The following UNC79 variants were observed in gnomAD, a reference collection of about 807,000 sequenced individuals.
UNC79 encodes protein unc-79 homolog.
A neutral mutation model predicts 283.1 loss-of-function variants in UNC79; 37 were observed. The ratio of observed to expected loss-of-function variants is 0.13; its 90% CI spans 0.10 to 0.17. UNC79 has a LOEUF of 0.17. Ranked by LOEUF, UNC79 falls within the 10% of genes least tolerant of loss-of-function variation. The pLI is 1.00. For synonymous variants in UNC79, 1,107 were observed against 1,200.2 expected, an observed-to-expected ratio of 0.92 and a Z score of 1.61; for missense variants, 2,272 against 3,211.1, an observed-to-expected ratio of 0.71 and a Z score of 7.07.
chr14:93,388,048 G>A (rs369098009), intron 1 of UNC79, among the ~76,000 whole-genome samples: 5 of 151,792 alleles, frequency 3.3e-5, no homozygotes, highest in East Asian at 1.9e-4. Context: ...TAGCTACCTC[G>A]GTCTAGGATT....
chr14:93,466,991 C>T (rs1484103880), intron 1 of UNC79: 28 of 824,554 alleles, frequency 3.4e-5, no homozygotes, highest in Non-Finnish European at 4.0e-5. Flanking sequence ...TAGGAAGTCT[C>T]CTAATTTATG....
chr14:93,593,146 A>T (rs2141944902), intron 22 of UNC79, among the ~76,000 whole-genome samples: 1 of 152,272 alleles, frequency 6.6e-6, no homozygotes, highest in South Asian at 2.1e-4. Flanking sequence ...TAATCACTTT[A>T]TTCAGGTTGT....
chr14:93,577,901 TAGTCCTTTCCAGAGTCCGTTTCGG>T, exon 18 of UNC79: 1 of 1,614,238 alleles, frequency 6.2e-7, no homozygotes, highest in Non-Finnish European at 8.5e-7. Context: ...GTCCATTTCA[TAGTCCTTTCCAGAGTCCGTTTCGG>T]AGTCCTTTGC....
chr14:93,488,385 A>G (rs180744142), intron 5 of UNC79, among the ~76,000 whole-genome samples: 1 of 152,174 alleles, frequency 6.6e-6, no homozygotes, highest in Non-Finnish European at 1.5e-5. Context: ...TCCATTTGTC[A>G]GTATAATTGC....
intron 31 of UNC79, 35 bp from the exon 35 acceptor site, chr14:93,637,178 GACC>G: frequency 1.1e-6 from 1 of 947,578 alleles, no homozygotes; most frequent in Non-Finnish European, 1.8e-6. Flanking sequence ...GTGCTAAGAT[GACC>G]ACATCAAAGA....
At chr14:93,516,717 GGAT>G (rs1412831584) in intron 7 of UNC79, among the ~76,000 whole-genome samples, 9 of 152,004 alleles carry the variant, frequency 5.9e-5, no homozygotes, top group Non-Finnish European at 1.3e-4. Flanking sequence ...CAAAGTGCTG[GGAT>G]TACAGGTGTG....
intron 4 of UNC79, among the ~76,000 whole-genome samples, chr14:93,479,898 G>T (rs1481203742): frequency 6.6e-6 from 1 of 152,192 alleles, no homozygotes; most frequent in Non-Finnish European, 1.5e-5. Flanking sequence ...GCTCCAAAGT[G>T]CTGGGAGGCG....
intron 1 of UNC79, among the ~76,000 whole-genome samples, chr14:93,447,919 T>G (rs1319686219): frequency 6.6e-6 from 1 of 152,178 alleles, no homozygotes; most frequent in African/African-American, 2.4e-5. Flanking sequence ...CTGCTCTTTA[T>G]TTTTGGCTTT....
Position 93,669,543 on chromosome 14 carries a change from C to T in UNC79, c.6637-3808C>T, listed in dbSNP as rs555781045. ...TTGGCTTTACATTTTGGTGTAAAGA[C>T]ACCCCCATAGTAACTTTCCTTCATG... is the stretch of plus-strand genomic sequence containing the variant. On this transcript the variant is annotated intron_variant, in intron 40 of 48. Coordinates refer to ENST00000555664, the Ensembl canonical transcript of UNC79. Among the ~76,000 whole-genome samples, 36 of 152,280 alleles carry T rather than the reference C, an allele frequency of 2.4e-4. No homozygotes were observed. The East Asian group carries it at 6.0e-3, about 25-fold the overall frequency.
At chr14:93,655,477 CAG>C (rs1305641504) in intron 38 of UNC79, 70 bp downstream of exon 41, 4 of 1,558,788 alleles carry the variant, frequency 2.6e-6, no homozygotes, top group South Asian at 2.3e-5. Context: ...TTACAAGCAG[CAG>C]AGTCTTGGGT....
chr14:93,646,204 C>T (rs1433431003), intron 34 of UNC79, among the ~76,000 whole-genome samples: 3 of 152,122 alleles, frequency 2.0e-5, no homozygotes, highest in African/African-American at 7.2e-5. Context: ...ATTTTACTAT[C>T]TTATGGAGGC....
intron 11 of UNC79, among the ~76,000 whole-genome samples, chr14:93,533,408 C>T (rs547008949): frequency 3.5e-4 from 53 of 152,304 alleles, no homozygotes; most frequent in African/African-American, 1.3e-3. Flanking sequence ...CTATGCTCAG[C>T]TCAGCTAAGC....
chr14:93,530,839 G>A (rs1371972956), intron 10 of UNC79, among the ~76,000 whole-genome samples: 1 of 152,162 alleles, frequency 6.6e-6, no homozygotes, highest in Admixed American at 6.5e-5. Flanking sequence ...AACCTTTGAG[G>A]CGGAGCTGGC....
intron 4 of UNC79, among the ~76,000 whole-genome samples, chr14:93,484,117 A>AG (rs2058287619): frequency 6.6e-6 from 1 of 152,158 alleles, no homozygotes; most frequent in South Asian, 2.1e-4. Flanking sequence ...GTCTTCCACA[A>AG]TGGTTGAACT....
intron 5 of UNC79, among the ~76,000 whole-genome samples, chr14:93,493,893 A>ATTTT (rs1257362806): frequency 7.7e-5 from 3 of 39,196 alleles, no homozygotes; most frequent in Non-Finnish European, 1.7e-4. Context: ...ATATATATAT[A>ATTTT]TATATATATT....
chr14:93,593,937 T>C lies in UNC79; in HGVS notation c.3190+100T>C, dbSNP rs192111715. 1.1e-5 allele frequency: 15 copies of C among 1,307,522 alleles called. No individual in the cohort carries two copies. In the Admixed American group the frequency reaches 2.2e-4, roughly 20 times the overall value. 81.0% of individuals were successfully genotyped at this position (1,307,522 alleles called of 1,614,324 possible). ...CACCTCCTTTCTTGTCCCTTCTTTT[T>C]AAAAGGCATTCTCCTGCTGGCTGGT... On this transcript the variant is annotated intron_variant, in intron 23 of 48. Transcript: ENST00000555664.
At position 93,617,390 on chromosome 14, in the gene UNC79, G is replaced by A. The variant is rs768158123; in HGVS notation, c.4224+86G>A. ...TAGGAGAACACCTGAGTCTTTAGTT[G>A]AAAATTTTGTAGAAGTTTGACCTTC... On this transcript the variant is annotated intron_variant, in intron 28 of 48. Coordinates refer to ENST00000555664, the Ensembl canonical transcript of UNC79. The surrounding 1 kb of genome is among the most constrained non-coding windows in gnomAD (Gnocchi z 4.5). 55 of 1,409,114 alleles carry A rather than the reference G, an allele frequency of 3.9e-5. No individual in the cohort carries two copies. The highest frequency in any genetic ancestry group is 5.0e-5 in the Non-Finnish European group (53 of 1,053,400). The allele number at this position is 1,409,114 out of a possible 1,614,324, so 87.3% of individuals were successfully genotyped here.
chr14:93,660,470 A>G (rs2071417869), intron 39 of UNC79, among the ~76,000 whole-genome samples: 1 of 142,880 alleles, frequency 7.0e-6, no homozygotes, highest in African/African-American at 2.6e-5. Flanking sequence ...TATGTGCAAC[A>G]TGAGACATTC....
chr14:93,417,637 TC>T (rs1379715560), intron 1 of UNC79, among the ~76,000 whole-genome samples: 2 of 152,222 alleles, frequency 1.3e-5, no homozygotes, highest in Non-Finnish European at 2.9e-5. Flanking sequence ...GGTTCCATTC[TC>T]CCCGTCACTT....
Sources: allele counts gnomAD v4.1 joint callset (sites outside exome capture counted in the v4.1 genomes callset), GRCh38; gene constraint gnomAD v4.1.1; non-coding constraint Gnocchi (gnomAD v3.1); transcripts MANE v1.5; gene names NCBI Gene and HGNC (gene_info 2026-07-23, HGNC 2026-07-21).